TBXAS1: variants seen among roughly 807,000 people sequenced by gnomAD.
TBXAS1 encodes the protein thromboxane A synthase 1, also known as thromboxane-A synthase.
A neutral mutation model predicts 60.7 loss-of-function variants in TBXAS1; 48 were observed. That is an observed-to-expected ratio of 0.79 (90% confidence interval 0.63 to 1.01). TBXAS1 has a LOEUF of 1.01. Among genes scored for constraint, TBXAS1 ranks in the 50% least tolerant of loss-of-function variants. The pLI, the probability that TBXAS1 is intolerant of heterozygous loss-of-function variation, is 0.00. For missense variants in TBXAS1, 685 were observed against 686.3 expected (o/e 1.00, Z 0.02); for synonymous variants, 287 against 269.7 (o/e 1.06, Z -0.63).
intron 10 of TBXAS1, 85 bp downstream of exon 10, chr7:140,007,267 A>G: frequency 8.2e-7 from 1 of 1,216,634 alleles, no homozygotes; most frequent in Non-Finnish European, 1.2e-6. Flanking sequence ...GCCCTCCTCC[A>G]TCAGTTACCA....
At chr7:139,984,069 A>T (rs184361203) in intron 9 of TBXAS1, among the ~76,000 whole-genome samples, 1 of 152,286 alleles carries the variant, frequency 6.6e-6, no homozygotes, top group East Asian at 1.9e-4. Flanking sequence ...AAGATGGCTG[A>T]GGGTATGGAC....
At chr7:139,913,738 A>T (rs1404916128) in intron 4 of TBXAS1, 1 of 152,864 alleles carries the variant, frequency 6.5e-6, no homozygotes, top group Non-Finnish European at 1.5e-5. Flanking sequence ...ACTCCAGAGT[A>T]GAGTTCCAAT....
chr7:139,993,269 G>A (rs898413532), intron 9 of TBXAS1, among the ~76,000 whole-genome samples: 10 of 152,100 alleles, frequency 6.6e-5, no homozygotes, highest in East Asian at 1.9e-4. Context: ...CAGAGGCCCC[G>A]TCTCCAAGTA....
rs748691839 is a variant in TBXAS1 at position 140,020,062 on chromosome 7, C to CA, written c.1571dup (p.Asn524LysfsTer53). 3 of 1,608,934 alleles carry CA rather than the reference C, an allele frequency of 1.9e-6. No individual in the cohort carries two copies. The highest frequency in any genetic ancestry group is 2.5e-6 in the Non-Finnish European group (3 of 1,178,058). On this transcript the variant is annotated frameshift_variant, in exon 13 of 13. Transcript: ENST00000448866. LOFTEE classifies it high-confidence loss of function. Reference sequence around the variant, plus strand: ...CTAGAATCCAAATCTGCCCTAGGTCCAAAAAATGGTGTCTATATCAAGATC... The same window carrying CA: ...CTAGAATCCAAATCTGCCCTAGGTCCAAAAAAATGGTGTCTATATCAAGATC...
At chr7:139,810,939 G>C (rs1798008491) in intron 4 of TBXAS1, among the ~76,000 whole-genome samples, 2 of 152,086 alleles carry the variant, frequency 1.3e-5, no homozygotes, top group Non-Finnish European at 2.9e-5. Context: ...AGTGAGTCTG[G>C]GTCCATATCT....
chr7:140,001,125 G>A (rs909982297), intron 9 of TBXAS1, among the ~76,000 whole-genome samples: 2 of 152,186 alleles, frequency 1.3e-5, no homozygotes, highest in Non-Finnish European at 2.9e-5. Flanking sequence ...GCGCTGCAGG[G>A]GGGGCTTCCT....
intron 1 of TBXAS1, among the ~76,000 whole-genome samples, chr7:139,858,654 G>C (rs1800751392): frequency 1.3e-5 from 2 of 152,086 alleles, no homozygotes; most frequent in Admixed American, 6.6e-5. Context: ...ACCATGCTTG[G>C]TATCTGCTCT....
intron 2 of TBXAS1, chr7:139,780,868 C>T (rs1796961545): frequency 6.5e-6 from 1 of 154,454 alleles, no homozygotes; most frequent in Admixed American, 6.5e-5. Context: ...CGTCTTGGAG[C>T]AAGGCCCTGC....
At chr7:139,830,658 A>G (rs1798643105) in intron 1 of TBXAS1, among the ~76,000 whole-genome samples, 1 of 151,940 alleles carries the variant, frequency 6.6e-6, no homozygotes, top group Non-Finnish European at 1.5e-5. Flanking sequence ...ATCCATCTCA[A>G]TGTGTTTTTA....
Position 139,953,401 on chromosome 7 carries a change from C to G in TBXAS1, c.484C>G (p.Leu162Val), listed in dbSNP as rs6137. 1 of 1,614,120 alleles carries G rather than the reference C, an allele frequency of 6.2e-7. No individual in the cohort carries two copies. The highest frequency in any genetic ancestry group is 1.3e-5 in the African/African-American group (1 of 74,958). The change falls in exon 6 of 13, where the codon CTC (leucine) becomes GTC (valine). Residue 162 changes from leucine (L) to valine (V), a missense_variant. Coordinates refer to ENST00000448866, the MANE Select transcript of TBXAS1 (RefSeq NM_001061.7). ...CCTCATCAGCCAAGCCTGCGACCTT[C>G]TCCTGGCTCATTTAAAACGCTATGC... ...VPLISQACDL[L>V]LAHLKRYAES...
intron 1 of TBXAS1, among the ~76,000 whole-genome samples, chr7:139,841,631 A>AT (rs55744496): frequency 3.3e-5 from 5 of 151,824 alleles, no homozygotes; most frequent in Non-Finnish European, 7.4e-5. Context: ...ACAGAATATT[A>AT]TTTTTTTTGT....
chr7:139,845,774 C>T (rs551761349), intron 1 of TBXAS1, among the ~76,000 whole-genome samples: 1 of 151,484 alleles, frequency 6.6e-6, no homozygotes, highest in South Asian at 2.1e-4. Context: ...CTGCAACCAG[C>T]TTTCACCCTG....
intron 3 of TBXAS1, among the ~76,000 whole-genome samples, chr7:139,880,670 A>G (rs543508993): frequency 1.3e-5 from 2 of 152,342 alleles, no homozygotes; most frequent in East Asian, 3.9e-4. Context: ...TAAATTAGGT[A>G]GTGTTTTTAA....
chr7:139,808,775 A>G (rs1797940886), intron 4 of TBXAS1, among the ~76,000 whole-genome samples: 1 of 152,086 alleles, frequency 6.6e-6, no homozygotes, highest in African/African-American at 2.4e-5. Flanking sequence ...TATTCCATGA[A>G]CTTCTTGAGG....
chr7:139,875,753 G>A (rs1802185136), intron 3 of TBXAS1, 116 bp downstream of exon 3: 3 of 1,345,404 alleles, frequency 2.2e-6, no homozygotes, highest in Non-Finnish European at 1.0e-6. Context: ...AATGTTGTAT[G>A]TGTTTCTATT....
intron 4 of TBXAS1, among the ~76,000 whole-genome samples, chr7:139,813,508 G>A (rs1798074153): frequency 6.6e-6 from 1 of 152,174 alleles, no homozygotes; most frequent in Admixed American, 6.5e-5. Context: ...GTTTCCATAG[G>A]TTTGTCCAAA....
At chr7:140,002,601 C>T (rs191766164) in intron 9 of TBXAS1, among the ~76,000 whole-genome samples, 4 of 152,188 alleles carry the variant, frequency 2.6e-5, no homozygotes, top group Admixed American at 2.0e-4. Flanking sequence ...CTCGCTGGTT[C>T]GACTAAGACA....
intron 9 of TBXAS1, among the ~76,000 whole-genome samples, chr7:139,964,304 C>G (rs563099937): frequency 6.6e-6 from 1 of 152,168 alleles, no homozygotes; most frequent in African/African-American, 2.4e-5. Flanking sequence ...AGGCTGGTCT[C>G]GAACTCCCAA....
intron 9 of TBXAS1, among the ~76,000 whole-genome samples, chr7:139,993,240 T>C (rs1273385599): frequency 6.6e-6 from 1 of 152,158 alleles, no homozygotes; most frequent in African/African-American, 2.4e-5. Context: ...CATGACCTCA[T>C]CTAACCCTAA....
Sources: gnomAD v4.1 joint callset for allele counts (sites outside exome capture counted in the v4.1 genomes callset) on GRCh38, gnomAD v4.1.1 for gene constraint, MANE v1.5 for transcripts, NCBI Gene and HGNC (gene_info 2026-07-23, HGNC 2026-07-21) for gene names.